Variants in SOS1 observed in about 807,000 individuals in gnomAD.
The protein encoded by SOS1 is SOS Ras/Rac guanine nucleotide exchange factor 1.
A neutral mutation model predicts 157.6 loss-of-function variants in SOS1; 25 were observed. The observed-to-expected ratio is 0.16, with a 90% confidence interval of 0.12 to 0.22. SOS1 has a LOEUF of 0.22. Ranked by LOEUF, SOS1 falls within the 10% of genes least tolerant of loss-of-function variation. SOS1 has a pLI of 1.00. For missense variants in SOS1, 1,237 were observed against 1,599.1 expected, an observed-to-expected ratio of 0.77 and a Z score of 3.86; for synonymous variants, 528 against 534.0, an observed-to-expected ratio of 0.99 and a Z score of 0.16.
At chr2:39,053,383 T>G (rs1024707496) in intron 5 of SOS1, among the ~76,000 whole-genome samples, 3 of 152,242 alleles carry the variant, frequency 2.0e-5, no homozygotes, top group Non-Finnish European at 4.4e-5. Context: ...CCTTTTGATG[T>G]GCTTTTTGGC....
rs560037748 is a variant in SOS1 at position 39,058,793 on chromosome 2, T to C, written c.225A>G (p.Gln75=). 92 of 1,612,096 alleles carry C rather than the reference T, an allele frequency of 5.7e-5. No homozygotes were observed. The South Asian group carries it at 8.9e-4, about 16-fold the overall frequency. The change falls in exon 3 of 23, where the codon CAA becomes CAG. Residue 75 remains glutamine, a synonymous_variant. Transcript: ENST00000402219. ...TATCAATTGGATGAGGGAAACTTTT[T>C]TGAACACGTTCCTTGGAAAATAGGA... ...RSASDVEERV[Q]KSFPHPIDKW...
At chr2:39,116,110 C>G (rs1026811833) in intron 1 of SOS1, among the ~76,000 whole-genome samples, 1 of 152,228 alleles carries the variant, frequency 6.6e-6, no homozygotes, top group Admixed American at 6.5e-5. Flanking sequence ...TTTACTTACA[C>G]ATCTAGAAGT....
At chr2:39,096,712 C>T (rs1023571972) in intron 1 of SOS1, among the ~76,000 whole-genome samples, 6 of 151,910 alleles carry the variant, frequency 3.9e-5, no homozygotes, top group African/African-American at 1.2e-4. Context: ...GGTGAAACCC[C>T]GTCTCTACTA....
At position 39,007,365 on chromosome 2, in the gene SOS1, C is replaced by G; in HGVS notation, c.2511-172G>C. The stretch of plus-strand genomic sequence containing the variant: ...ATAGAAGGAAGGCAGTGCCTCCAGT[C>G]AGGCATACTGCTCTTTCCCGTCTTC... On this transcript the variant is annotated intron_variant, in intron 15 of 22. Coordinates refer to ENST00000402219, the MANE Select transcript of SOS1 (RefSeq NM_005633.4). 3 of 607,856 alleles carry G rather than the reference C, an allele frequency of 4.9e-6. No individual in the cohort carries two copies. In the South Asian group the frequency reaches 6.0e-5, roughly 12 times the overall value. The allele number at this position is 607,856 out of a possible 1,614,324, so 37.7% of individuals were successfully genotyped here. A position where few individuals can be genotyped will look rare whatever the true frequency, so the allele number is the denominator to read the frequency against.
intron 1 of SOS1, among the ~76,000 whole-genome samples, chr2:39,102,072 G>A (rs1419085653): frequency 6.6e-6 from 1 of 151,434 alleles, no homozygotes; most frequent in African/African-American, 2.4e-5. Context: ...CAGGCGTGGT[G>A]GCAGGCCCCA....
rs550964496 is a variant in SOS1 at position 39,062,555 on chromosome 2, G to A, written c.214-3751C>T. On this transcript the variant is annotated intron_variant, in intron 2 of 22. Transcript: ENST00000402219. ...CGAAAGCAGACGTTTTACATTTTACGATGAAGGGCTAATGACAATAAAAAG... is the reference window on the plus strand; with the variant it reads ...CGAAAGCAGACGTTTTACATTTTACAATGAAGGGCTAATGACAATAAAAAG... 6.1e-4 allele frequency among the ~76,000 whole-genome samples: 91 copies of A among 148,572 alleles called. 1 individual carries two copies. Among genetic ancestry groups the A allele is most frequent in the Middle Eastern group, 3.6e-3 (1 of 276 alleles).
At chr2:39,114,118 C>T (rs1174731402) in intron 1 of SOS1, among the ~76,000 whole-genome samples, 2 of 152,002 alleles carry the variant, frequency 1.3e-5, no homozygotes, top group Non-Finnish European at 2.9e-5. Context: ...TTTTCTGAGA[C>T]AGGGTTTTAC....
chr2:39,061,445 TGATG>T (rs1671401575), intron 2 of SOS1, among the ~76,000 whole-genome samples: 1 of 152,178 alleles, frequency 6.6e-6, no homozygotes, highest in African/African-American at 2.4e-5. Context: ...TGGAGTGCAA[TGATG>T]CAATCATAGC....
At chr2:39,009,644 T>A (rs1447727342) in intron 15 of SOS1, among the ~76,000 whole-genome samples, 1 of 152,182 alleles carries the variant, frequency 6.6e-6, no homozygotes, top group Non-Finnish European at 1.5e-5. Flanking sequence ...TTTAATGGGC[T>A]AAGAGGATGA....
intron 1 of SOS1, among the ~76,000 whole-genome samples, chr2:39,099,803 A>G (rs1450467654): frequency 1.3e-5 from 2 of 152,100 alleles, no homozygotes; most frequent in Non-Finnish European, 2.9e-5. Flanking sequence ...AAGTGGCACG[A>G]TCTCGACTCA....
chr2:39,119,139 G>C (rs1673770088), intron 1 of SOS1, among the ~76,000 whole-genome samples: 1 of 152,242 alleles, frequency 6.6e-6, no homozygotes, highest in African/African-American at 2.4e-5. Context: ...AAAGTAAGGA[G>C]TGAGAGCCTG....
intron 1 of SOS1, among the ~76,000 whole-genome samples, chr2:39,088,780 A>G (rs1025725858): frequency 1.3e-5 from 2 of 152,206 alleles, no homozygotes; most frequent in African/African-American, 4.8e-5. Context: ...TGCTGCCTAT[A>G]AACACTGGTG....
chr2:39,023,533 C>T (rs1220438767), intron 9 of SOS1, among the ~76,000 whole-genome samples: 2 of 151,706 alleles, frequency 1.3e-5, no homozygotes, highest in African/African-American at 2.4e-5. Flanking sequence ...TAGCCCAATA[C>T]AGTAAAAAAA....
At chr2:39,075,164 A>G (rs1572873770) in intron 1 of SOS1, among the ~76,000 whole-genome samples, 1 of 152,202 alleles carries the variant, frequency 6.6e-6, no homozygotes, top group Non-Finnish European at 1.5e-5. Context: ...CACAGGCTCC[A>G]TAAGAAGAGA....
intron 1 of SOS1, among the ~76,000 whole-genome samples, chr2:39,081,562 C>T (rs1446994341): frequency 6.6e-6 from 1 of 151,692 alleles, no homozygotes; most frequent in Non-Finnish European, 1.5e-5. Flanking sequence ...CGGTAGCTTA[C>T]GCCTGTAATC....
chr2:39,076,154 A>T (rs532908179), intron 1 of SOS1, among the ~76,000 whole-genome samples: 1 of 152,330 alleles, frequency 6.6e-6, no homozygotes, highest in South Asian at 2.1e-4. Context: ...TCATGCCTAC[A>T]ATCCCACCAC....
chr2:39,050,458 T>A (rs1206003661), intron 6 of SOS1, among the ~76,000 whole-genome samples: 1 of 152,184 alleles, frequency 6.6e-6, no homozygotes, highest in African/African-American at 2.4e-5. Flanking sequence ...ATATTTCAGA[T>A]AGGTTATTTA....
intron 1 of SOS1, among the ~76,000 whole-genome samples, chr2:39,119,445 T>C (rs192765416): frequency 6.6e-6 from 1 of 152,326 alleles, no homozygotes; most frequent in Admixed American, 6.5e-5. Flanking sequence ...TCTCCATTCT[T>C]AGTAGAAGCA....
intron 6 of SOS1, among the ~76,000 whole-genome samples, chr2:39,041,875 T>C (rs1670584704): frequency 6.6e-6 from 1 of 152,228 alleles, no homozygotes; most frequent in Admixed American, 6.5e-5. Flanking sequence ...TCTTCATTTT[T>C]AGATTTTTAA....
Sources: gnomAD v4.1 joint callset for allele counts (sites outside exome capture counted in the v4.1 genomes callset) on GRCh38, gnomAD v4.1.1 for gene constraint, MANE v1.5 for transcripts, NCBI Gene and HGNC (gene_info 2026-07-23, HGNC 2026-07-21) for gene names.